The following TRPC4AP variants were observed in gnomAD, a reference collection of about 807,000 sequenced individuals.
TRPC4AP encodes the protein transient receptor potential cation channel subfamily C member 4 associated protein.
In TRPC4AP, 45 loss-of-function variants were observed where a neutral mutation model predicts 99.0. The observed-to-expected ratio is 0.45, with a 90% CI of 0.36 to 0.58. The LOEUF (loss-of-function observed/expected upper bound fraction) is 0.58, where lower values mean the gene tolerates loss of function less well. Among genes scored for constraint, TRPC4AP ranks in the 20% least tolerant of loss-of-function variants. TRPC4AP has a pLI of 0.00. For synonymous variants in TRPC4AP, 408 were observed against 385.8 expected (o/e 1.06, Z -0.67); for missense variants, 879 against 985.3 (o/e 0.89, Z 1.44).
intron 1 of TRPC4AP, among the ~76,000 whole-genome samples, chr20:35,085,205 T>G (rs138597638): frequency 1.3e-5 from 2 of 152,246 alleles, no homozygotes; most frequent in East Asian, 3.8e-4. Flanking sequence ...TGCTGTTTTT[T>G]TGTTACAAGC....
intron 13 of TRPC4AP, 31 bp downstream of exon 13, chr20:35,008,633 A>C: frequency 6.2e-7 from 1 of 1,601,612 alleles, no homozygotes; most frequent in South Asian, 1.1e-5. Context: ...GCAGCCCCGC[A>C]GAATCGGCAG....
chr20:35,086,575 GTATATA>G (rs372161656), intron 1 of TRPC4AP, among the ~76,000 whole-genome samples: 1 of 89,790 alleles, frequency 1.1e-5, no homozygotes, highest in African/African-American at 3.9e-5. Context: ...GTGTGTGTGT[GTATATA>G]TATATGAATA....
Position 35,044,493 on chromosome 20 carries a change from T to C in TRPC4AP, c.865+12A>G. On this transcript the variant is annotated intron_variant, in intron 7 of 18. Transcript: ENST00000252015. Reference sequence around the variant, plus strand: ...CTATAATCTCAAAATTCTGAGAACTTGGAGACTTTACCTTGATTGATTTCA... The same window carrying C: ...CTATAATCTCAAAATTCTGAGAACTCGGAGACTTTACCTTGATTGATTTCA... 6.2e-7 allele frequency: 1 copy of C among 1,610,756 alleles called. No homozygotes were observed. The highest frequency in any genetic ancestry group is 8.5e-7 in the Non-Finnish European group (1 of 1,177,170).
At chr20:35,089,538 ATATATTTGTT>A (rs1300819507) in intron 1 of TRPC4AP, among the ~76,000 whole-genome samples, 1 of 94,562 alleles carries the variant, frequency 1.1e-5, no homozygotes, top group African/African-American at 3.0e-5. Flanking sequence ...GGCCTATATT[ATATATTTGTT>A]TACTACAATG....
chr20:35,047,402 C>T (rs536167020), intron 6 of TRPC4AP, among the ~76,000 whole-genome samples: 9 of 152,288 alleles, frequency 5.9e-5, no homozygotes, highest in Admixed American at 2.0e-4. Flanking sequence ...TTCTACCACT[C>T]GATTATTTCA....
chr20:35,080,012 A>AT (rs1464928527), intron 1 of TRPC4AP, among the ~76,000 whole-genome samples: 6 of 101,922 alleles, frequency 5.9e-5, no homozygotes, highest in Admixed American at 1.1e-4. Flanking sequence ...ACAGAGCAAG[A>AT]TAAAAAAAAA....
At chr20:35,062,038 T>C (rs1023048233) in intron 3 of TRPC4AP, among the ~76,000 whole-genome samples, 1 of 152,116 alleles carries the variant, frequency 6.6e-6, no homozygotes, top group East Asian at 1.9e-4. Flanking sequence ...TCTCCAAAAG[T>C]CCAATAATAA....
intron 1 of TRPC4AP, among the ~76,000 whole-genome samples, chr20:35,084,040 C>T (rs938290652): frequency 6.6e-6 from 1 of 151,866 alleles, no homozygotes; most frequent in African/African-American, 2.4e-5. Flanking sequence ...TGGCTCACAC[C>T]TGTAATCCCA....
chr20:35,076,112 G>A (rs1017995875), intron 2 of TRPC4AP, among the ~76,000 whole-genome samples: 3 of 152,130 alleles, frequency 2.0e-5, no homozygotes, highest in Non-Finnish European at 2.9e-5. Flanking sequence ...GCTCCATCAG[G>A]TCATTTAAGG....
intron 18 of TRPC4AP, 31 bp downstream of exon 18, chr20:35,003,379 C>G: frequency 6.5e-7 from 1 of 1,548,252 alleles, no homozygotes; most frequent in Non-Finnish European, 8.7e-7. Context: ...CCGCGGCCCA[C>G]CCATCACCCC....
At chr20:35,069,860 G>A (rs1018492486) in intron 2 of TRPC4AP, among the ~76,000 whole-genome samples, 2 of 152,112 alleles carry the variant, frequency 1.3e-5, no homozygotes, top group African/African-American at 4.8e-5. Context: ...AGAAGCACTT[G>A]AGCCACGGAG....
At chr20:35,070,850 T>C (rs1158154605) in intron 2 of TRPC4AP, among the ~76,000 whole-genome samples, 1 of 152,140 alleles carries the variant, frequency 6.6e-6, no homozygotes. Context: ...AATCCTTTGT[T>C]CATATGGAAC....
rs543439804 is a variant in TRPC4AP at position 35,073,059 on chromosome 20, T to A, written c.298-3647A>T. Among the ~76,000 whole-genome samples the A allele has an allele frequency of 1.2e-4, 18 of 152,270 alleles. 1 individual carries two copies. In the South Asian group the frequency reaches 3.7e-3, roughly 32 times the overall value. ...TCTTTGTAGCAATTGTGAATGGGAG[T>A]TCACTCATGATTTGGCTGTCTGTTA... On this transcript the variant is annotated intron_variant, in intron 2 of 18. Transcript: ENST00000252015.
chr20:35,054,628 G>C (rs1021312747), intron 5 of TRPC4AP, among the ~76,000 whole-genome samples: 1 of 152,164 alleles, frequency 6.6e-6, no homozygotes, highest in Admixed American at 6.5e-5. Flanking sequence ...TTCTAACAAG[G>C]AAAATGAAGA....
chr20:35,016,791 C>A (rs2082764821), intron 9 of TRPC4AP, among the ~76,000 whole-genome samples: 1 of 152,164 alleles, frequency 6.6e-6, no homozygotes, highest in Non-Finnish European at 1.5e-5. Context: ...AAACAGAGAA[C>A]ATACATTGGC....
At chr20:35,048,117 A>G (rs1323545851) in intron 6 of TRPC4AP, among the ~76,000 whole-genome samples, 1 of 151,796 alleles carries the variant, frequency 6.6e-6, no homozygotes, top group Non-Finnish European at 1.5e-5. Flanking sequence ...ATGTTTATGG[A>G]CCATTTCTTT....
At chr20:35,079,260 CAA>C (rs1031102783) in intron 1 of TRPC4AP, among the ~76,000 whole-genome samples, 4 of 152,048 alleles carry the variant, frequency 2.6e-5, no homozygotes, top group Admixed American at 6.5e-5. Flanking sequence ...AACAGCATGT[CAA>C]AATATGAGGC....
chr20:35,074,976 T>C (rs2084432751), intron 2 of TRPC4AP, among the ~76,000 whole-genome samples: 1 of 152,250 alleles, frequency 6.6e-6, no homozygotes, highest in Non-Finnish European at 1.5e-5. Context: ...TTAGGATAGT[T>C]AACTCTTCTT....
chr20:35,092,768 G>T lies in TRPC4AP; in HGVS notation c.14C>A (p.Pro5Gln). The change falls in exon 1 of 19, where the codon CCG becomes CAG. Residue 5 changes from proline (P) to glutamine (Q), a missense_variant. Pro to Gln is a moderately conservative substitution (Grantham distance 76, BLOSUM62 -1). Transcript: ENST00000252015. Reference protein sequence around the residue: MAAAPVAAGSGAGRG... With the variant: MAAAQVAAGSGAGRG... ...GCCGGCTCCAGACCCAGCCGCTACC[G>T]GCGCCGCCGCCATGTCTCCTCGTCG... The T allele has an allele frequency of 6.5e-7, 1 of 1,539,392 alleles. No individual in the cohort carries two copies. Among genetic ancestry groups the T allele is most frequent in the Non-Finnish European group, 8.7e-7 (1 of 1,155,276 alleles).
Sources: gnomAD v4.1 joint callset for allele counts (sites outside exome capture counted in the v4.1 genomes callset) on GRCh38, gnomAD v4.1.1 for gene constraint, MANE v1.5 for transcripts, NCBI Gene and HGNC (gene_info 2026-07-23, HGNC 2026-07-21) for gene names.